The following NCOA7 variants were observed in gnomAD, a reference collection of about 807,000 sequenced individuals.
NCOA7 encodes the protein 140 kDa estrogen receptor-associated protein.
In NCOA7, 45 loss-of-function variants were observed where a neutral mutation model predicts 104.3. That is an observed-to-expected ratio of 0.43 (90% confidence interval 0.34 to 0.55). The LOEUF (loss-of-function observed/expected upper bound fraction) is 0.55, where lower values mean the gene tolerates loss of function less well. Ranked by LOEUF, NCOA7 falls within the 20% of genes least tolerant of loss-of-function variation. The pLI, the probability that NCOA7 is intolerant of heterozygous loss-of-function variation, is 0.02. For synonymous variants in NCOA7, 398 were observed against 402.3 expected, an observed-to-expected ratio of 0.99 and a Z score of 0.13; for missense variants, 1,041 against 1,119.7, an observed-to-expected ratio of 0.93 and a Z score of 1.00.
At chr6:125,890,537 T>C (rs1320607610) in intron 9 of NCOA7, 105 bp from the exon 10 acceptor site, 3 of 1,101,072 alleles carry the variant, frequency 2.7e-6, no homozygotes, top group Non-Finnish European at 2.5e-6. Context: ...GTTTCTGCAA[T>C]GTTTTGACTA....
intron 2 of NCOA7, among the ~76,000 whole-genome samples, chr6:125,844,207 T>C (rs1780403284): frequency 6.6e-6 from 1 of 152,226 alleles, no homozygotes. Context: ...CTAGGGGAAA[T>C]GCTGTTGTGT....
chr6:125,915,535 C>G (rs1032167977), intron 11 of NCOA7, 55 bp downstream of exon 11: 2 of 1,601,508 alleles, frequency 1.2e-6, no homozygotes, highest in Non-Finnish European at 1.7e-6. Flanking sequence ...AGTAAGCAGT[C>G]TCGCATTCAG....
At chr6:125,928,590 A>C in intron 15 of NCOA7, 46 bp from the exon 16 acceptor site, 3 of 1,570,752 alleles carry the variant, frequency 1.9e-6, no homozygotes, top group Non-Finnish European at 2.6e-6. Flanking sequence ...TGTGTCATGT[A>C]ACATAGAAGT....
intron 10 of NCOA7, among the ~76,000 whole-genome samples, chr6:125,911,762 G>C (rs561669242): frequency 2.6e-5 from 4 of 152,240 alleles, no homozygotes; most frequent in Admixed American, 1.3e-4. Context: ...TTCCATCTTC[G>C]CAATCAGATT....
At chr6:125,927,578 C>CATG in intron 13 of NCOA7, 85 bp from the exon 14 acceptor site, 1 of 984,568 alleles carries the variant, frequency 1.0e-6, no homozygotes, top group Non-Finnish European at 1.6e-6. Context: ...GATCTCAGAA[C>CATG]ATGATGTATC....
At chr6:125,790,053 C>CCAA (rs1774686197), upstream of NCOA7, among the ~76,000 whole-genome samples, 4 of 152,210 alleles carry the variant, frequency 2.6e-5, no homozygotes, top group Non-Finnish European at 4.4e-5. Flanking sequence ...AAGGTTCTCT[C>CCAA]GAGTCTCTGC....
chr6:125,920,682 T>A (rs1177895597), intron 11 of NCOA7, among the ~76,000 whole-genome samples: 1 of 152,250 alleles, frequency 6.6e-6, no homozygotes, highest in Admixed American at 6.5e-5. Context: ...GTGCTGGGCA[T>A]ACAGGCATGA....
chr6:125,855,634 T>C (rs906758471), intron 3 of NCOA7: 3 of 153,190 alleles, frequency 2.0e-5, no homozygotes, highest in African/African-American at 7.2e-5. Flanking sequence ...AGCAAGTTTT[T>C]GTTTTTGTTT....
chr6:125,917,965 G>T (rs1787229051), intron 11 of NCOA7, among the ~76,000 whole-genome samples: 1 of 152,184 alleles, frequency 6.6e-6, no homozygotes, highest in Non-Finnish European at 1.5e-5. Context: ...GTCTGGAGGT[G>T]AGCAGTAAGG....
At chr6:125,856,652 A>G (rs1051808568) in intron 3 of NCOA7, among the ~76,000 whole-genome samples, 16 of 152,056 alleles carry the variant, frequency 1.1e-4, no homozygotes, top group African/African-American at 3.9e-4. Flanking sequence ...ATGCCTGGCC[A>G]TGTCTCCATG....
In NCOA7 at chr6:125,885,199, T is replaced by C; in HGVS notation, c.740T>C (p.Ile247Thr). The change falls in exon 8 of 16, where the codon ATC (isoleucine) becomes ACC (threonine). Residue 247 changes from isoleucine (I) to threonine (T), a missense_variant. Around this residue, in one of 2 missense-constraint regions of NCOA7, gnomAD observed 914 missense variants for 942.7 expected, o/e 0.97. Coordinates refer to ENST00000392477, the MANE Select transcript of NCOA7 (RefSeq NM_181782.5). ...GGVMIVTPNN[I>T]MFDPHKSDPL... is the part of the protein sequence containing the mutation. Reference sequence around the variant, plus strand: ...GTTATGATAGTGACTCCTAACAACATCATGTTTGACCCTCATAAATCTGAT... The same window carrying C: ...GTTATGATAGTGACTCCTAACAACACCATGTTTGACCCTCATAAATCTGAT... The C allele has an allele frequency of 6.2e-7, 1 of 1,614,040 alleles. No homozygotes were observed. The highest frequency in any genetic ancestry group is 8.5e-7 in the Non-Finnish European group (1 of 1,179,936).
intron 2 of NCOA7, among the ~76,000 whole-genome samples, chr6:125,845,042 G>C (rs974202663): frequency 6.6e-6 from 1 of 152,096 alleles, no homozygotes; most frequent in Non-Finnish European, 1.5e-5. Context: ...TTGGTAACTC[G>C]CCAAAGGATG....
At chr6:125,807,170 A>T (rs1218971838) in intron 1 of NCOA7, among the ~76,000 whole-genome samples, 5 of 152,226 alleles carry the variant, frequency 3.3e-5, no homozygotes, top group Admixed American at 2.6e-4. Context: ...CTGTCTATCA[A>T]GCCTAAATCA....
At chr6:125,824,412 T>C (rs1583304028) in intron 2 of NCOA7, among the ~76,000 whole-genome samples, 2 of 152,294 alleles carry the variant, frequency 1.3e-5, no homozygotes, top group African/African-American at 4.8e-5. Flanking sequence ...TTGGGTCTAG[T>C]TTTCCCCAAA....
rs879785197 is a variant in NCOA7 at position 125,889,134 on chromosome 6, A to G, written c.1080A>G (p.Thr360=). 3 of 1,614,048 alleles carry G rather than the reference A, an allele frequency of 1.9e-6. No individual in the cohort carries two copies. Among genetic ancestry groups the G allele is most frequent in the Non-Finnish European group, 2.5e-6 (3 of 1,180,018 alleles). The part of the protein sequence containing the change: ...PLEKSTGHTP[T]KPSGSSVSEK... ...AGAAGTCCACAGGACATACACCTAC[A>G]AAGCCCTCAGGCAGCTCTGTGTCAG... Residue 360 remains threonine (T), a synonymous_variant, in exon 9 of 16, where the codon ACA becomes ACG. Transcript: ENST00000392477.
At chr6:125,814,445 C>T (rs1041657104) in intron 1 of NCOA7, among the ~76,000 whole-genome samples, 3 of 152,122 alleles carry the variant, frequency 2.0e-5, no homozygotes, top group African/African-American at 7.2e-5. Context: ...TGTGAGCCAC[C>T]GCACAGCCTG....
intron 3 of NCOA7, among the ~76,000 whole-genome samples, chr6:125,856,646 C>T (rs1454167403): frequency 1.3e-5 from 2 of 152,088 alleles, no homozygotes; most frequent in Non-Finnish European, 2.9e-5. Flanking sequence ...GCCACCATGC[C>T]TGGCCATGTC....
intron 10 of NCOA7, among the ~76,000 whole-genome samples, chr6:125,893,763 C>T (rs1188857352): frequency 1.3e-5 from 2 of 152,170 alleles, no homozygotes; most frequent in South Asian, 2.1e-4. Context: ...TGCCTAAATA[C>T]GTAATAGTTT....
intron 3 of NCOA7, among the ~76,000 whole-genome samples, chr6:125,856,267 C>T (rs201448684): frequency 6.6e-6 from 1 of 152,064 alleles, no homozygotes; most frequent in African/African-American, 2.4e-5. Flanking sequence ...AGAAATGACA[C>T]TCGTTCTGGG....
Sources: allele counts gnomAD v4.1 joint callset (sites outside exome capture counted in the v4.1 genomes callset), GRCh38; gene constraint gnomAD v4.1.1; regional missense constraint gnomAD v4.1.1; transcripts MANE v1.5; gene names NCBI Gene and HGNC (gene_info 2026-07-23, HGNC 2026-07-21).